The following ADCY8 variants were observed in gnomAD, a reference collection of about 807,000 sequenced individuals.
The protein encoded by ADCY8 is adenylate cyclase type 8.
Under a neutral mutation model 119.7 loss-of-function variants are expected in ADCY8, and 51 were observed. The observed-to-expected ratio is 0.43, with a 90% confidence interval of 0.34 to 0.54. ADCY8 has a LOEUF of 0.54. Ranked by LOEUF, ADCY8 falls within the 20% of genes least tolerant of loss-of-function variation. ADCY8 has a pLI of 0.03. For missense variants in ADCY8, 1,383 were observed against 1,598.8 expected, an observed-to-expected ratio of 0.87 and a Z score of 2.30; for synonymous variants, 665 against 651.0, an observed-to-expected ratio of 1.02 and a Z score of -0.33.
In ADCY8 at chr8:130,990,460, T is replaced by C. The variant is rs1382802423; in HGVS notation, c.1043A>G (p.Gln348Arg). 1.2e-6 allele frequency: 2 copies of C among 1,614,210 alleles called. No homozygotes were observed. The highest frequency in any genetic ancestry group is 1.7e-5 in the Admixed American group (1 of 60,022). The change falls in exon 2 of 18, where the codon CAA becomes CGA. Residue 348 changes from glutamine (Q) to arginine (R), a missense_variant. Physicochemically the swap from Gln to Arg is conservative, Grantham distance 43 (BLOSUM62 1). This residue lies in a region of ADCY8 where 928 missense variants were observed against 1,163.5 expected (regional missense o/e 0.80). Coordinates refer to ENST00000286355, the MANE Select transcript of ADCY8 (RefSeq NM_001115.3). ...ACACCTCCGAGTCTCCAGGAAAGCTTGGCGCTGGGCCCGGTCTGACAGGTA... is the reference window on the plus strand; with the variant it reads ...ACACCTCCGAGTCTCCAGGAAAGCTCGGCGCTGGGCCCGGTCTGACAGGTA... ...ISYLSDRAQR[Q>R]AFLETRRCVE...
In ADCY8 at chr8:130,814,734, T is replaced by A. The variant is rs369648380; in HGVS notation, c.2755-507A>T. Among the ~76,000 whole-genome samples, 5 of 152,106 alleles carry A rather than the reference T, an allele frequency of 3.3e-5. No homozygotes were observed. In the East Asian group the frequency reaches 7.7e-4, roughly 23 times the overall value. On this transcript the variant is annotated intron_variant, in intron 13 of 17. Coordinates refer to ENST00000286355, the MANE Select transcript of ADCY8 (RefSeq NM_001115.3). ...AGCTCCCATTTATAAAACCATCAGA[T>A]CTCATGAAAGTCATTCACTACCATG...
At chr8:131,032,887 C>T (rs533144888) in intron 1 of ADCY8, among the ~76,000 whole-genome samples, 30 of 152,176 alleles carry the variant, frequency 2.0e-4, no homozygotes, top group Non-Finnish European at 3.5e-4. Flanking sequence ...CCACAAAAAT[C>T]CTGGGAAGAA....
intron 1 of ADCY8, among the ~76,000 whole-genome samples, chr8:130,997,829 T>A (rs1822826622): frequency 6.6e-6 from 1 of 152,152 alleles, no homozygotes; most frequent in South Asian, 2.1e-4. Context: ...TGGTTGTGCT[T>A]TGTAATCCCT....
At chr8:130,909,243 C>T (rs896791367) in intron 6 of ADCY8, among the ~76,000 whole-genome samples, 10 of 152,290 alleles carry the variant, frequency 6.6e-5, no homozygotes, top group South Asian at 4.1e-4. Flanking sequence ...CCTTGACAGC[C>T]AAATTTGAAA....
At chr8:130,784,785 GA>G (rs1815199958) in intron 16 of ADCY8, among the ~76,000 whole-genome samples, 1 of 152,070 alleles carries the variant, frequency 6.6e-6, no homozygotes. Flanking sequence ...TTTTTAGTTG[GA>G]AAAAAGCATA....
chr8:130,949,115 C>T (rs1349669635), intron 3 of ADCY8, among the ~76,000 whole-genome samples: 1 of 151,568 alleles, frequency 6.6e-6, no homozygotes, highest in African/African-American at 2.4e-5. Context: ...AAAGGGTCTC[C>T]AGCACAAGAA....
intron 15 of ADCY8, among the ~76,000 whole-genome samples, chr8:130,798,944 T>C (rs1308104402): frequency 6.6e-6 from 1 of 152,036 alleles, no homozygotes; most frequent in East Asian, 1.9e-4. Flanking sequence ...CACAGTGGAA[T>C]ACTATTCAGC....
At chr8:130,951,810 A>G in intron 3 of ADCY8, 58 bp downstream of exon 3, 1 of 1,594,304 alleles carries the variant, frequency 6.3e-7, no homozygotes, top group Non-Finnish European at 8.6e-7. Context: ...GTGCAATGAG[A>G]GCACCCAAAC....
chr8:131,005,689 GGCAATT>G (rs1823094663), intron 1 of ADCY8, among the ~76,000 whole-genome samples: 1 of 152,158 alleles, frequency 6.6e-6, no homozygotes, highest in Non-Finnish European at 1.5e-5. Context: ...CAAGATCTGG[GGCAATT>G]GCTTATCCTG....
At chr8:130,889,225 T>C (rs768735407) in intron 7 of ADCY8, among the ~76,000 whole-genome samples, 2 of 152,144 alleles carry the variant, frequency 1.3e-5, no homozygotes, top group Non-Finnish European at 2.9e-5. Flanking sequence ...TTTACTGCCA[T>C]TTCTCCTTAC....
At chr8:130,981,762 A>G (rs2130725140) in intron 2 of ADCY8, among the ~76,000 whole-genome samples, 1 of 152,286 alleles carries the variant, frequency 6.6e-6, no homozygotes, top group Non-Finnish European at 1.5e-5. Context: ...AAGAAGAAAA[A>G]CTGTTGTTAC....
intron 15 of ADCY8, among the ~76,000 whole-genome samples, chr8:130,794,761 T>A (rs1815527736): frequency 6.6e-6 from 1 of 152,204 alleles, no homozygotes; most frequent in Non-Finnish European, 1.5e-5. Flanking sequence ...TCAAATACAG[T>A]CTTAAGTGCT....
At chr8:130,874,313 AT>A (rs1818477224) in intron 8 of ADCY8, among the ~76,000 whole-genome samples, 5 of 17,260 alleles carry the variant, frequency 2.9e-4, no homozygotes, top group African/African-American at 7.1e-4. Flanking sequence ...GACTTAAAAA[AT>A]AAATAAATAA....
Position 131,039,435 on chromosome 8 carries a change from G to C in ADCY8, c.899C>G (p.Ser300Trp), listed in dbSNP as rs778408657. The C allele has an allele frequency of 5.6e-6, 9 of 1,614,184 alleles. No individual in the cohort carries two copies. Among genetic ancestry groups the C allele is most frequent in the South Asian group, 1.1e-5 (1 of 91,084 alleles). ...CACTTGGAGGATGACCTGCAGCAGC[G>C]AGGTGCCCAGGCCGGCCAGGATGGC... ...TWAILAGLGT[S>W]LLQVILQVVI... The change falls in exon 1 of 18, where the codon TCG (serine) becomes TGG (tryptophan). Residue 300 changes from serine (S) to tryptophan (W), a missense_variant. This residue lies in a region of ADCY8 where 455 missense variants were observed against 435.3 expected (regional missense o/e 1.05). Coordinates refer to ENST00000286355, the MANE Select transcript of ADCY8 (RefSeq NM_001115.3).
intron 13 of ADCY8, among the ~76,000 whole-genome samples, chr8:130,814,739 T>A (rs1029231961): frequency 1.3e-5 from 2 of 152,152 alleles, no homozygotes; most frequent in African/African-American, 2.4e-5. Flanking sequence ...TCAGATCTCA[T>A]GAAAGTCATT....
chr8:130,949,420 T>TTTATAGATGAGTATA (rs1349581718), intron 3 of ADCY8: 15 of 152,336 alleles, frequency 9.8e-5, no homozygotes, highest in Non-Finnish European at 1.5e-5. Context: ...TTTGTATATA[T>TTTATAGATGAGTATA]TTATAGATGA....
chr8:131,003,761 G>C (rs1208606705), intron 1 of ADCY8, among the ~76,000 whole-genome samples: 1 of 152,128 alleles, frequency 6.6e-6, no homozygotes, highest in African/African-American at 2.4e-5. Flanking sequence ...TTAAAACCTG[G>C]AGAGTTCTGG....
chr8:130,785,695 C>G (rs566936137), intron 15 of ADCY8, among the ~76,000 whole-genome samples: 5 of 152,352 alleles, frequency 3.3e-5, no homozygotes, highest in African/African-American at 1.2e-4. Context: ...AATTGGTACT[C>G]TTTAAGGAGT....
At chr8:131,019,334 A>G (rs1441586660) in intron 1 of ADCY8, among the ~76,000 whole-genome samples, 1 of 152,242 alleles carries the variant, frequency 6.6e-6, no homozygotes, top group Non-Finnish European at 1.5e-5. Flanking sequence ...GGAAGCCACA[A>G]GTATTTTTAC....
Sources: gnomAD v4.1 joint callset for allele counts (sites outside exome capture counted in the v4.1 genomes callset) on GRCh38, gnomAD v4.1.1 for gene constraint, gnomAD v4.1.1 regional missense constraint, MANE v1.5 for transcripts, NCBI Gene and HGNC (gene_info 2026-07-23, HGNC 2026-07-21) for gene names.